The following ACOX3 variants were observed in gnomAD, a reference collection of about 807,000 sequenced individuals.
ACOX3 encodes the protein peroxisomal acyl-coenzyme A oxidase 3.
A neutral mutation model predicts 81.5 loss-of-function variants in ACOX3; 73 were observed. That is an observed-to-expected ratio of 0.90 (90% CI 0.74 to 1.09). The LOEUF (loss-of-function observed/expected upper bound fraction) is 1.09, where lower values mean the gene tolerates loss of function less well. Ranked by LOEUF, ACOX3 falls within the 50% of genes least tolerant of loss-of-function variation. ACOX3 has a pLI of 0.00. For synonymous variants in ACOX3, 387 were observed against 375.1 expected (o/e 1.03, Z -0.37); for missense variants, 947 against 928.0 (o/e 1.02, Z -0.27).
chr4:8,371,904 C>T (rs532014302), intron 16 of ACOX3, among the ~76,000 whole-genome samples: 1 of 152,372 alleles, frequency 6.6e-6, no homozygotes, highest in African/African-American at 2.4e-5. Flanking sequence ...CGTGGAAGCA[C>T]AAAGGCACCC....
At chr4:8,404,533 G>A (rs1252251653) in intron 7 of ACOX3, among the ~76,000 whole-genome samples, 2 of 148,946 alleles carry the variant, frequency 1.3e-5, no homozygotes, top group East Asian at 4.0e-4. Flanking sequence ...AATCAATCAA[G>A]ATTTTCCTCT....
intron 10 of ACOX3, chr4:8,393,242 T>C (rs1469502438): frequency 2.0e-5 from 3 of 151,688 alleles, no homozygotes; most frequent in Admixed American, 6.6e-5. Context: ...TGCCAGCACT[T>C]TGAGAGGCCG....
chr4:8,413,291 C>CGTCT (rs1721963063), intron 5 of ACOX3, among the ~76,000 whole-genome samples: 2 of 122,354 alleles, frequency 1.6e-5, no homozygotes, highest in African/African-American at 3.2e-5. Flanking sequence ...CCAGGGCATC[C>CGTCT]GTGTCCCGTC....
At chr4:8,390,692 AGGCTGGGATG>A (rs1252036135) in intron 11 of ACOX3, among the ~76,000 whole-genome samples, 2 of 152,298 alleles carry the variant, frequency 1.3e-5, no homozygotes, top group African/African-American at 4.8e-5. Context: ...TCTGAATGTG[AGGCTGGGATG>A]GGCCTAGCAG....
chr4:8,408,978 C>T lies in ACOX3; in HGVS notation c.687+1234G>A, dbSNP rs79718731. Among the ~76,000 whole-genome samples, 5 of 149,824 alleles carry T rather than the reference C, an allele frequency of 3.3e-5. No homozygotes were observed. In the East Asian group the frequency reaches 9.9e-4, roughly 30 times the overall value. ...AGTATGGAGTTAAATTAGAGGACGC[C>T]CAGCTGCTTTCTGCTGCAGAGCTGC... On this transcript the variant is annotated intron_variant, in intron 6 of 17. Coordinates refer to ENST00000356406, the MANE Select transcript of ACOX3 (RefSeq NM_003501.3).
intron 7 of ACOX3, among the ~76,000 whole-genome samples, chr4:8,404,903 G>C (rs541852552): frequency 6.6e-6 from 1 of 151,928 alleles, no homozygotes; most frequent in Non-Finnish European, 1.5e-5. Context: ...GCACAGAGGG[G>C]TCTACACCCT....
rs1325939207 is a variant in ACOX3, at chr4:8,370,999, T to C, written c.1897-5A>G. On this transcript the variant is annotated splice_region_variant and splice_polypyrimidine_tract_variant and intron_variant, in intron 16 of 17. Transcript: ENST00000356406. This position sits in a 1 kb window ranked among gnomAD's most constrained non-coding sequence, Gnocchi z 6.3. ...GGCAACTGCATCGTCTTTCAGCTGT[T>C]GGAAAACAAAGCCCAGACACTTGGC... The C allele has an allele frequency of 6.2e-7, 1 of 1,613,982 alleles. No homozygotes were observed. Among genetic ancestry groups the C allele is most frequent in the Admixed American group, 1.7e-5 (1 of 60,016 alleles).
rs745518869 is a variant in ACOX3, at chr4:8,406,005, C to T, written c.726G>A (p.Val242=). 1 of 1,614,210 alleles carries T rather than the reference C, an allele frequency of 6.2e-7. No individual in the cohort carries two copies. ...GTTTTTTTCCTATGTCGCCAACCATCACTCCAGGCATGGGAAGAAGGGTCT... is the reference window on the plus strand; with the variant it reads ...GTTTTTTTCCTATGTCGCCAACCATTACTCCAGGCATGGGAAGAAGGGTCT... The part of the protein sequence containing the change: ...DPKTLLPMPG[V]MVGDIGKKLG... The change falls in exon 7 of 18, where the codon GTG becomes GTA. Residue 242 remains valine, a synonymous_variant. Coordinates refer to ENST00000356406, the MANE Select transcript of ACOX3 (RefSeq NM_003501.3). The surrounding 1 kb of genome is among the most constrained non-coding windows in gnomAD (Gnocchi z 5.6).
chr4:8,357,919 C>T, the ACOX3 span: 2 of 155,170 alleles, frequency 1.3e-5, no homozygotes, highest in South Asian at 2.0e-4. Flanking sequence ...CCCAAAGAAA[C>T]CTGAAAAACC....
Position 8,366,820 on chromosome 4 carries a change from G to A in ACOX3, c.*141C>T, listed in dbSNP as rs1715505530. On this transcript the variant is annotated 3_prime_UTR_variant, in exon 18 of 18. Transcript: ENST00000356406. The stretch of plus-strand genomic sequence containing the variant: ...CCTCCCGTCCGCCTGGGCAGTTGAG[G>A]CCAATCAGCAGTTTAGGCGCACAGG... The A allele has an allele frequency of 5.6e-6, 7 of 1,247,444 alleles. No individual in the cohort carries two copies. Among genetic ancestry groups the A allele is most frequent in the South Asian group, 1.5e-5 (1 of 66,714 alleles). 77.3% of individuals were successfully genotyped at this position (1,247,444 alleles called of 1,614,324 possible). A position where few individuals can be genotyped will look rare whatever the true frequency, so the allele number is the denominator to read the frequency against.
At position 8,411,653 on chromosome 4, in the gene ACOX3, C is replaced by T. The variant is rs75097547; in HGVS notation, c.544-1298G>A. 2.8e-3 allele frequency among the ~76,000 whole-genome samples: 420 copies of T among 152,384 alleles called. 1 individual carries two copies. The highest frequency in any genetic ancestry group is 9.7e-3 in the African/African-American group (404 of 41,594). ...TCCTCGGGGCCTGCACTGCTCCACACAGATCTTTCCCACTGTCTCGACTGT... is the reference window on the plus strand; with the variant it reads ...TCCTCGGGGCCTGCACTGCTCCACATAGATCTTTCCCACTGTCTCGACTGT... On this transcript the variant is annotated intron_variant, in intron 5 of 17. Transcript: ENST00000356406.
Position 8,405,493 on chromosome 4 carries a change from TC to T in ACOX3, c.776+461del, listed in dbSNP as rs1282463363. Among the ~76,000 whole-genome samples, 2 of 152,182 alleles carry T rather than the reference TC, an allele frequency of 1.3e-5. No homozygotes were observed. The highest frequency in any genetic ancestry group is 2.9e-5 in the Non-Finnish European group (2 of 68,034). ...TTAAACAAATAAGCCAGCGGAATTC[TC>T]TTTCTAAGTGCTGTGACACTGGGAT... On this transcript the variant is annotated intron_variant, in intron 7 of 17. Transcript: ENST00000356406. This position sits in a 1 kb window ranked among gnomAD's most constrained non-coding sequence, Gnocchi z 7.1.
chr4:8,403,783 G>A (rs553744990), intron 7 of ACOX3, among the ~76,000 whole-genome samples: 1 of 152,340 alleles, frequency 6.6e-6, no homozygotes, highest in South Asian at 2.1e-4. Flanking sequence ...GGGGAACCAA[G>A]TGCAGGGTTT....
At chr4:8,392,736 C>T (rs11934642) in intron 10 of ACOX3, among the ~76,000 whole-genome samples, 16,480 of 152,222 alleles carry the variant, frequency 0.11, 1,037 homozygotes, top group South Asian at 0.2. Context: ...AAGCAAACTG[C>T]AGAAGAATGT....
chr4:8,418,354 G>A (rs768004291), intron 1 of ACOX3, among the ~76,000 whole-genome samples: 3 of 151,724 alleles, frequency 2.0e-5, no homozygotes, highest in Non-Finnish European at 4.4e-5. Flanking sequence ...AGCTACTCAG[G>A]AGGCTGAGGC....
rs550284813 is a variant in ACOX3 at position 8,419,594 on chromosome 4, T to G, written c.-14-3059A>C. 9.7e-4 allele frequency among the ~76,000 whole-genome samples: 147 copies of G among 151,958 alleles called. 7 individuals carry two copies. The highest frequency in any genetic ancestry group is 4.1e-4 in the Non-Finnish European group (28 of 67,974). ...GTTCCACAAGTGATTAAACATGGAG[T>G]GACCACATGACTCAGCAATTCCACT... On this transcript the variant is annotated intron_variant, in intron 1 of 17. Transcript: ENST00000356406. The surrounding 1 kb of genome is among the most constrained non-coding windows in gnomAD (Gnocchi z 4.2).
chr4:8,386,248 C>T lies in ACOX3; in HGVS notation c.1537+2925G>A, dbSNP rs1286337881. Among the ~76,000 whole-genome samples the T allele has an allele frequency of 1.3e-5, 2 of 152,162 alleles. No individual in the cohort carries two copies. The highest frequency in any genetic ancestry group is 2.9e-5 in the Non-Finnish European group (2 of 68,036). The stretch of plus-strand genomic sequence containing the variant: ...TGATTAGGTCATTTTCTAGTTCTTT[C>T]TGTGGCAACATTTGGGAAGCTTAGA... On this transcript the variant is annotated intron_variant, in intron 13 of 17. Transcript: ENST00000356406. This position sits in a 1 kb window ranked among gnomAD's most constrained non-coding sequence, Gnocchi z 5.2.
chr4:8,412,013 G>C (rs1578960704), intron 5 of ACOX3, among the ~76,000 whole-genome samples: 1 of 152,214 alleles, frequency 6.6e-6, no homozygotes, highest in African/African-American at 2.4e-5. Flanking sequence ...GTGGAAATGG[G>C]AAGTGGTCCT....
rs375747156 is a variant in ACOX3 at position 8,394,573 on chromosome 4, C to T, written c.1179+47G>A. On this transcript the variant is annotated intron_variant, in intron 10 of 17. Coordinates refer to ENST00000356406, the MANE Select transcript of ACOX3 (RefSeq NM_003501.3). This position sits in a 1 kb window ranked among gnomAD's most constrained non-coding sequence, Gnocchi z 5.9. Reference sequence around the variant, plus strand: ...AAGGTTGAATCTATGCTGCTCCAACCGTGTGAGATTTAAACGATGCTGCTG... The same window carrying T: ...AAGGTTGAATCTATGCTGCTCCAACTGTGTGAGATTTAAACGATGCTGCTG... 5.2e-5 allele frequency: 84 copies of T among 1,603,344 alleles called. 1 individual carries two copies. Among genetic ancestry groups the T allele is most frequent in the Admixed American group, 6.7e-5 (4 of 59,674 alleles).
Sources: gnomAD v4.1 joint callset for allele counts (sites outside exome capture counted in the v4.1 genomes callset) on GRCh38, gnomAD v4.1.1 for gene constraint, Gnocchi (gnomAD v3.1) non-coding constraint, MANE v1.5 for transcripts, NCBI Gene and HGNC (gene_info 2026-07-23, HGNC 2026-07-21) for gene names.